Variants in KAZN observed in about 807,000 individuals in gnomAD.
KAZN encodes the protein kazrin, periplakin interacting protein, also known as kazrin.
In KAZN, 40 loss-of-function variants were observed where a neutral mutation model predicts 87.4. The observed-to-expected ratio is 0.46, with a 90% CI of 0.36 to 0.60. The LOEUF (loss-of-function observed/expected upper bound fraction) is 0.60, where lower values mean the gene tolerates loss of function less well. Among genes scored for constraint, KAZN ranks in the 20% least tolerant of loss-of-function variants. KAZN has a pLI of 0.00. For missense variants in KAZN, 898 were observed against 1,073.9 expected, an observed-to-expected ratio of 0.84 and a Z score of 2.29; for synonymous variants, 466 against 458.3, an observed-to-expected ratio of 1.02 and a Z score of -0.22.
intron 2 of KAZN, among the ~76,000 whole-genome samples, chr1:14,576,049 TGGTA>T (rs1675157788): frequency 6.6e-6 from 1 of 151,858 alleles, no homozygotes. Context: ...AGGTTAGGAG[TGGTA>T]GGAAAAAGAG....
At chr1:13,965,084 A>G (rs1209416771) in intron 1 of KAZN, among the ~76,000 whole-genome samples, 1 of 152,056 alleles carries the variant, frequency 6.6e-6, no homozygotes, top group Non-Finnish European at 1.5e-5. Flanking sequence ...GCAGGGGAGG[A>G]CAGAGAGGCC....
intron 1 of KAZN, among the ~76,000 whole-genome samples, chr1:14,025,888 T>C (rs1188193315): frequency 6.6e-6 from 1 of 152,186 alleles, no homozygotes; most frequent in Non-Finnish European, 1.5e-5. Flanking sequence ...GTGAAAATAC[T>C]GTCCTCTGTT....
At position 15,099,957 on chromosome 1, in the gene KAZN, C is replaced by G. The variant is rs1210942242; in HGVS notation, c.1548-1586C>G. On this transcript the variant is annotated intron_variant, in intron 10 of 14. Transcript: ENST00000376030. This position sits in a 1 kb window ranked among gnomAD's most constrained non-coding sequence, Gnocchi z 5.4. ...GGGAGCTGGGTGACAGAGAAGGGCC[C>G]CTGGGTGACGGTGACAGTGACAGTG... Among the ~76,000 whole-genome samples the G allele has an allele frequency of 6.6e-6, 1 of 152,064 alleles. No individual in the cohort carries two copies. The highest frequency in any genetic ancestry group is 1.5e-5 in the Non-Finnish European group (1 of 68,014).
At chr1:14,731,778 G>A (rs925790214) in intron 1 of KAZN, among the ~76,000 whole-genome samples, 2 of 152,206 alleles carry the variant, frequency 1.3e-5, no homozygotes, top group Admixed American at 1.3e-4. Context: ...TGAGTCTCAG[G>A]TCTGTTCGGC....
chr1:14,514,363 AT>A lies in KAZN; in HGVS notation c.250-84617del, dbSNP rs1434932079. On this transcript the variant is annotated intron_variant, in intron 2 of 16. Coordinates refer to the KAZN transcript ENST00000636203. ...ATATATTTATATATATTATATATAT[AT>A]TTATATATATAATATATATATATTA... Among the ~76,000 whole-genome samples, 6 of 18,990 alleles carry A rather than the reference AT, an allele frequency of 3.2e-4. 1 individual carries two copies. The highest frequency in any genetic ancestry group is 2.8e-3 in the Admixed American group (4 of 1,430). The allele number at this position is 18,990 out of a possible 152,430, so 12.5% of individuals were successfully genotyped here. A position where few individuals can be genotyped will look rare whatever the true frequency, so the allele number is the denominator to read the frequency against.
At chr1:14,465,556 G>A (rs1668079173) in intron 2 of KAZN, among the ~76,000 whole-genome samples, 1 of 152,130 alleles carries the variant, frequency 6.6e-6, no homozygotes, top group Admixed American at 6.5e-5. Context: ...AGGGCTCCCA[G>A]AGCGAGCATT....
At chr1:14,595,225 G>C (rs758584956), upstream of KAZN, among the ~76,000 whole-genome samples, 10 of 152,150 alleles carry the variant, frequency 6.6e-5, no homozygotes, top group Non-Finnish European at 1.2e-4. Context: ...TGGGGGGGCA[G>C]CATCAAAACT....
Position 14,868,206 on chromosome 1 carries a change from C to T in KAZN, c.227-92478C>T, listed in dbSNP as rs867640563. ...GGCATCAAATAGCACGCATCACATA[C>T]GCAGGCATCGCATACGCAGGCATTG... On this transcript the variant is annotated intron_variant, in intron 1 of 14. Coordinates refer to ENST00000376030, the MANE Select transcript of KAZN (RefSeq NM_201628.3). Among the ~76,000 whole-genome samples the T allele has an allele frequency of 6.6e-5, 10 of 152,186 alleles. No individual in the cohort carries two copies. In the South Asian group the frequency reaches 8.3e-4, roughly 13 times the overall value.
In KAZN at chr1:14,229,862, C is replaced by A. The variant is rs553043856; in HGVS notation, c.249+49270C>A. 1.3e-3 allele frequency among the ~76,000 whole-genome samples: 205 copies of A among 152,366 alleles called. 1 individual carries two copies. Among genetic ancestry groups the A allele is most frequent in the African/African-American group, 4.7e-3 (196 of 41,594 alleles). On this transcript the variant is annotated intron_variant, in intron 2 of 16. Coordinates refer to the KAZN transcript ENST00000636203. Reference sequence around the variant, plus strand: ...TAGATTCTCCTGGATGCAGAAGGAGCCCTGTGGCTCATTTGGTCCAGCAAC... The same window carrying A: ...TAGATTCTCCTGGATGCAGAAGGAGACCTGTGGCTCATTTGGTCCAGCAAC...
intron 2 of KAZN, among the ~76,000 whole-genome samples, chr1:14,293,330 C>T (rs1399858075): frequency 2.6e-5 from 4 of 152,156 alleles, no homozygotes; most frequent in Non-Finnish European, 2.9e-5. Flanking sequence ...ATGACATGTC[C>T]GCATCTGGCA....
intron 2 of KAZN, among the ~76,000 whole-genome samples, chr1:14,453,164 C>G (rs1377615076): frequency 6.6e-6 from 1 of 152,004 alleles, no homozygotes; most frequent in Admixed American, 6.5e-5. Context: ...ACCATGTTAT[C>G]CAGGATTGTC....
chr1:14,198,304 A>C (rs1260750862), intron 2 of KAZN, among the ~76,000 whole-genome samples: 1 of 152,150 alleles, frequency 6.6e-6, no homozygotes, highest in Non-Finnish European at 1.5e-5. Flanking sequence ...GATGATGGCA[A>C]AAAGACTTGA....
At chr1:14,394,017 T>C (rs1339187225) in intron 2 of KAZN, among the ~76,000 whole-genome samples, 6 of 152,216 alleles carry the variant, frequency 3.9e-5, no homozygotes, top group Non-Finnish European at 5.9e-5. Flanking sequence ...GCAGCCTTGA[T>C]TGGCATTTAT....
intron 2 of KAZN, among the ~76,000 whole-genome samples, chr1:14,206,574 T>C (rs1052697851): frequency 6.6e-6 from 1 of 152,180 alleles, no homozygotes; most frequent in Non-Finnish European, 1.5e-5. Context: ...AGAGGAAGTA[T>C]AGTTAAAACA....
intron 2 of KAZN, among the ~76,000 whole-genome samples, chr1:14,414,744 G>T (rs890554276): frequency 1.4e-4 from 21 of 152,148 alleles, no homozygotes; most frequent in African/African-American, 5.1e-4. Flanking sequence ...GAACACAGAG[G>T]CCAGGAGCAG....
intron 1 of KAZN, among the ~76,000 whole-genome samples, chr1:14,882,327 T>C (rs1303579845): frequency 6.6e-6 from 1 of 152,254 alleles, no homozygotes; most frequent in African/African-American, 2.4e-5. Context: ...TAGCCAGGAC[T>C]ATTTTAAATG....
intron 2 of KAZN, among the ~76,000 whole-genome samples, chr1:14,273,728 A>G (rs1652131315): frequency 6.6e-6 from 1 of 152,226 alleles, no homozygotes; most frequent in Non-Finnish European, 1.5e-5. Context: ...AGTCATCTCA[A>G]TAGCTACGTC....
chr1:14,228,243 C>G (rs1647475491), intron 2 of KAZN, among the ~76,000 whole-genome samples: 1 of 152,150 alleles, frequency 6.6e-6, no homozygotes, highest in Non-Finnish European at 1.5e-5. Flanking sequence ...ACCACTTTGC[C>G]AGGGGCTCTA....
chr1:14,572,130 T>C (rs956631296), intron 2 of KAZN, among the ~76,000 whole-genome samples: 3 of 152,212 alleles, frequency 2.0e-5, no homozygotes, highest in African/African-American at 2.4e-5. Context: ...GTCATTTTCA[T>C]CATTTAATGG....
Sources: gnomAD v4.1 joint callset for allele counts (sites outside exome capture counted in the v4.1 genomes callset) on GRCh38, gnomAD v4.1.1 for gene constraint, Gnocchi (gnomAD v3.1) non-coding constraint, MANE v1.5 for transcripts, NCBI Gene and HGNC (gene_info 2026-07-23, HGNC 2026-07-21) for gene names.